ZNF506: variants seen among roughly 807,000 people sequenced by gnomAD.
ZNF506 encodes the protein zinc finger protein 506.
Under a neutral mutation model 11.6 loss-of-function variants are expected in ZNF506, and 10 were observed. That is an observed-to-expected ratio of 0.86 (90% CI 0.53 to 1.46). ZNF506 has a LOEUF of 1.46. Ranked by LOEUF, ZNF506 falls within the 40% of genes most tolerant of loss-of-function variation. The pLI, the probability that ZNF506 is intolerant of heterozygous loss-of-function variation, is 0.00. For missense variants in ZNF506, 425 were observed against 521.2 expected (o/e 0.82, Z 1.80); for synonymous variants, 156 against 173.3 (o/e 0.90, Z 0.78).
chr19:19,801,440 A>G (rs1279971110), intron 3 of ZNF506, among the ~76,000 whole-genome samples: 2 of 151,988 alleles, frequency 1.3e-5, no homozygotes, highest in East Asian at 3.9e-4. Context: ...GGTTGCAGTG[A>G]GCCAAAATCA....
At chr19:19,795,804 A>G in intron 3 of ZNF506, 144 bp from the exon 4 acceptor site, 2 of 842,328 alleles carry the variant, frequency 2.4e-6, no homozygotes, top group Non-Finnish European at 1.7e-6. Flanking sequence ...TCCTGGATAT[A>G]TAACTGTAAC....
chr19:19,812,017 A>T lies in ZNF506; in HGVS notation c.4-4949T>A, dbSNP rs1267556327. ...GACTGCTTCATGTTTTTTTTTTTTTAAATGGCTATATGAAATGGAAGCTAC... is the reference window on the plus strand; with the variant it reads ...GACTGCTTCATGTTTTTTTTTTTTTTAATGGCTATATGAAATGGAAGCTAC... On this transcript the variant is annotated intron_variant, in intron 1 of 3. Transcript: ENST00000540806. Among the ~76,000 whole-genome samples the T allele has an allele frequency of 1.1e-4, 17 of 150,698 alleles. 1 individual carries two copies. The highest frequency in any genetic ancestry group is 2.1e-4 in the South Asian group (1 of 4,798).
chr19:19,808,207 TCC>T, intron 1 of ZNF506, among the ~76,000 whole-genome samples: 1 of 129,300 alleles, frequency 7.7e-6, no homozygotes, highest in South Asian at 2.7e-4. Flanking sequence ...CACTGCAAGC[TCC>T]GCCTCCCGGG....
chr19:19,817,807 G>C (rs1190055376), intron 1 of ZNF506, among the ~76,000 whole-genome samples: 3 of 149,512 alleles, frequency 2.0e-5, no homozygotes, highest in South Asian at 2.1e-4. Flanking sequence ...CAGTGTTTAC[G>C]TAAGGGAAGG....
chr19:19,804,067 A>C lies in ZNF506; in HGVS notation c.226+1964T>G, dbSNP rs149142451. Among the ~76,000 whole-genome samples the C allele has an allele frequency of 9.1e-3, 1,392 of 152,322 alleles. 11 individuals are homozygous for C. Among genetic ancestry groups the C allele is most frequent in the South Asian group, 0.029 (142 of 4,824 alleles). On this transcript the variant is annotated intron_variant, in intron 3 of 3. Transcript: ENST00000540806. ...ATGACTAAAACACCAAAAGCAACAA[A>C]AGCCAAAATAGACAAATGGGATCTA...
At chr19:19,816,500 G>T (rs2062932574) in intron 1 of ZNF506, among the ~76,000 whole-genome samples, 1 of 152,178 alleles carries the variant, frequency 6.6e-6, no homozygotes, top group South Asian at 2.1e-4. Flanking sequence ...TGGGACTACA[G>T]GCACCTGCCA....
intron 3 of ZNF506, chr19:19,798,672 A>G (rs1355639635): frequency 2.7e-5 from 4 of 150,174 alleles, no homozygotes; most frequent in Non-Finnish European, 4.4e-5. Flanking sequence ...AAAAAAAAAA[A>G]AAAAGAAAAT....
At position 19,795,463 on chromosome 19, in the gene ZNF506, T is replaced by C. The variant is rs199843178; in HGVS notation, c.424A>G (p.Arg142Gly). Residue 142 changes from arginine to glycine, a missense_variant, in exon 4 of 4, where the codon AGA becomes GGA. Coordinates refer to ENST00000540806, the MANE Select transcript of ZNF506 (RefSeq NM_001099269.3). The part of the protein sequence containing the change: ...GLKQCLATTQ[R>G]KIFQCDEYVK... Reference sequence around the variant, plus strand: ...TATTCATCACATTGAAATATTTTTCTCTGGGTAGTTGCCAAACATTGTTTA... The same window carrying C: ...TATTCATCACATTGAAATATTTTTCCCTGGGTAGTTGCCAAACATTGTTTA... 1 of 1,595,472 alleles carries C rather than the reference T, an allele frequency of 6.3e-7. No homozygotes were observed. The highest frequency in any genetic ancestry group is 1.4e-5 in the African/African-American group (1 of 73,854).
chr19:19,817,265 C>T (rs911473444), intron 1 of ZNF506, among the ~76,000 whole-genome samples: 1 of 152,100 alleles, frequency 6.6e-6, no homozygotes, highest in African/African-American at 2.4e-5. Context: ...CTGACTTTTT[C>T]ACCCTCCATT....
At chr19:19,800,148 C>CTT (rs1323684993) in intron 3 of ZNF506, among the ~76,000 whole-genome samples, 17 of 151,752 alleles carry the variant, frequency 1.1e-4, no homozygotes, top group Non-Finnish European at 2.2e-4. Context: ...ATTCTAACAA[C>CTT]TATTAAGATA....
At chr19:19,812,617 C>T (rs1231118296) in intron 1 of ZNF506, among the ~76,000 whole-genome samples, 1 of 152,196 alleles carries the variant, frequency 6.6e-6, no homozygotes, top group African/African-American at 2.4e-5. Flanking sequence ...CAAAGAGCCA[C>T]ACTCCCAATG....
chr19:19,795,836 C>T lies in ZNF506; in HGVS notation c.227-176G>A, dbSNP rs1025289427. 1.4e-5 allele frequency: 9 copies of T among 647,136 alleles called. No individual in the cohort carries two copies. In the South Asian group the frequency reaches 2.2e-4, roughly 16 times the overall value. 40.1% of individuals were successfully genotyped at this position (647,136 alleles called of 1,614,324 possible). ...TAACAAAAACATACTGACCAAAATA[C>T]ATTTGTAAAAAATTTATAAATTAGT... is the stretch of plus-strand genomic sequence containing the variant. On this transcript the variant is annotated intron_variant, in intron 3 of 3. Coordinates refer to ENST00000540806, the MANE Select transcript of ZNF506 (RefSeq NM_001099269.3).
In ZNF506 at chr19:19,808,108, C is replaced by CTTTTTTTTTTTTTTTTTTTT. The variant is rs757160026; in HGVS notation, c.4-1060_4-1041dup. On this transcript the variant is annotated intron_variant, in intron 1 of 3. Transcript: ENST00000540806. ...ACTTAACCAAGTGAATCATTAACCA[C>CTTTTTTTTTTTTTTTTTTTT]TTTTTTTTTTTTTTTTTTTTTTTTT... Among the ~76,000 whole-genome samples the CTTTTTTTTTTTTTTTTTTTT allele has an allele frequency of 2.1e-4, 12 of 56,774 alleles. 2 individuals carry two copies. Among genetic ancestry groups the CTTTTTTTTTTTTTTTTTTTT allele is most frequent in the Non-Finnish European group, 3.0e-4 (10 of 32,916 alleles). 37.2% of individuals were successfully genotyped at this position (56,774 alleles called of 152,430 possible).
chr19:19,800,904 T>A (rs559907067), intron 3 of ZNF506, among the ~76,000 whole-genome samples: 1 of 151,978 alleles, frequency 6.6e-6, no homozygotes, highest in South Asian at 2.1e-4. Context: ...CTCGCACCTG[T>A]AATCCCAACA....
intron 1 of ZNF506, among the ~76,000 whole-genome samples, chr19:19,807,695 G>T (rs770044016): frequency 2.6e-5 from 4 of 152,088 alleles, no homozygotes; most frequent in East Asian, 3.9e-4. Context: ...TTTTAGTAGA[G>T]ATGGGGTTTC....
intron 1 of ZNF506, among the ~76,000 whole-genome samples, chr19:19,818,242 G>T (rs1337780426): frequency 1.3e-5 from 2 of 151,988 alleles, no homozygotes; most frequent in Non-Finnish European, 2.9e-5. Flanking sequence ...TAGTCATATG[G>T]GAACACTTCT....
chr19:19,803,308 C>T (rs1354568198), intron 3 of ZNF506, among the ~76,000 whole-genome samples: 1 of 152,178 alleles, frequency 6.6e-6, no homozygotes, highest in Non-Finnish European at 1.5e-5. Flanking sequence ...CAGACCTTGG[C>T]CTTTACTGTG....
At chr19:19,816,647 T>C (rs992563306) in intron 1 of ZNF506, among the ~76,000 whole-genome samples, 40 of 151,594 alleles carry the variant, frequency 2.6e-4, no homozygotes, top group Admixed American at 7.9e-4. Context: ...CTTGAGCCAC[T>C]GCGCCTGACT....
At chr19:19,796,132 G>A (rs902423634) in intron 3 of ZNF506, 3 of 163,838 alleles carry the variant, frequency 1.8e-5, no homozygotes, top group Non-Finnish European at 2.7e-5. Flanking sequence ...ACTACAAAAC[G>A]TTAGCCAGGT....
Sources: gnomAD v4.1 joint callset for allele counts (sites outside exome capture counted in the v4.1 genomes callset) on GRCh38, gnomAD v4.1.1 for gene constraint, MANE v1.5 for transcripts, NCBI Gene and HGNC (gene_info 2026-07-23, HGNC 2026-07-21) for gene names.